The following RBM27 variants were observed in gnomAD, a reference collection of about 807,000 sequenced individuals.
RBM27 encodes the protein RNA-binding protein 27.
RBM27 carries 22 observed loss-of-function variants against 135.3 expected under a neutral mutation model. That is an observed-to-expected ratio of 0.16 (90% CI 0.12 to 0.23). The LOEUF is 0.23. RBM27 is among the 10% of genes least tolerant of loss of function. The probability of loss-of-function intolerance (pLI) is 1.00; values close to 1 mark genes in which losing one functional copy is unlikely to be tolerated. For synonymous variants in RBM27, 481 were observed against 442.4 expected (o/e 1.09, Z -1.10); for missense variants, 1,009 against 1,281.0 (o/e 0.79, Z 3.24).
chr5:146,249,523 T>A (rs1282789729), intron 8 of RBM27, among the ~76,000 whole-genome samples: 1 of 151,352 alleles, frequency 6.6e-6, no homozygotes, highest in Non-Finnish European at 1.5e-5. Flanking sequence ...CCGTCCCTAC[T>A]AAAAATGCAA....
chr5:146,232,964 T>C (rs1757002554), intron 6 of RBM27, among the ~76,000 whole-genome samples: 1 of 152,232 alleles, frequency 6.6e-6, no homozygotes, highest in Non-Finnish European at 1.5e-5. Context: ...TGTACAGTGC[T>C]ACAAGTGATA....
intron 19 of RBM27, among the ~76,000 whole-genome samples, chr5:146,276,797 G>T (rs1387663085): frequency 6.6e-6 from 1 of 152,168 alleles, no homozygotes; most frequent in African/African-American, 2.4e-5. Flanking sequence ...GCACCTGCCT[G>T]TAATCCCAGC....
chr5:146,215,524 A>T (rs1400896749), intron 1 of RBM27, among the ~76,000 whole-genome samples: 13 of 152,068 alleles, frequency 8.5e-5, no homozygotes, highest in Non-Finnish European at 1.5e-5. Flanking sequence ...TTCCATTCTT[A>T]TTTATTTTTC....
At chr5:146,206,665 C>G (rs181355213) in intron 1 of RBM27, among the ~76,000 whole-genome samples, 2 of 152,196 alleles carry the variant, frequency 1.3e-5, no homozygotes, top group Admixed American at 1.3e-4. Flanking sequence ...ACTGAAACCT[C>G]TGCCTCCTGG....
Position 146,285,858 on chromosome 5 carries a change from G to T in RBM27, c.3100-89G>T, listed in dbSNP as rs1759560790. 1.4e-5 allele frequency: 13 copies of T among 899,414 alleles called. No homozygotes were observed. The South Asian group carries it at 1.5e-4, about 10-fold the overall frequency. 55.7% of individuals were successfully genotyped at this position (899,414 alleles called of 1,614,324 possible). A position where few individuals can be genotyped will look rare whatever the true frequency, so the allele number is the denominator to read the frequency against. ...CCTTATGAAATCTAGCCTGGGCTTT[G>T]TATACTAGCCTGTTTGTCCTTTGGC... is the stretch of plus-strand genomic sequence containing the variant. On this transcript the variant is annotated intron_variant, in intron 20 of 20. Coordinates refer to ENST00000265271, the MANE Select transcript of RBM27 (RefSeq NM_018989.2).
At chr5:146,228,907 C>A in intron 3 of RBM27, 39 bp from the exon 4 acceptor site, 1 of 1,564,508 alleles carries the variant, frequency 6.4e-7, no homozygotes, top group Non-Finnish European at 8.8e-7. Context: ...GCCACCGTGC[C>A]TGGCCCTGCT....
chr5:146,255,872 TTG>T, intron 10 of RBM27, among the ~76,000 whole-genome samples: 1 of 151,940 alleles, frequency 6.6e-6, no homozygotes, highest in African/African-American at 2.4e-5. Flanking sequence ...TTTTTTTTTT[TTG>T]AAATGGAGTC....
chr5:146,231,067 G>A (rs1756908375), intron 6 of RBM27, 150 bp downstream of exon 6: 9 of 1,026,814 alleles, frequency 8.8e-6, no homozygotes, highest in African/African-American at 1.6e-5. Flanking sequence ...TGTCACCCAG[G>A]ATGGAGTGCA....
chr5:146,217,544 G>A (rs1295197586), intron 1 of RBM27, among the ~76,000 whole-genome samples: 2 of 134,434 alleles, frequency 1.5e-5, no homozygotes, highest in African/African-American at 5.7e-5. Flanking sequence ...GCATGATCAT[G>A]GCTTGCTGCA....
intron 8 of RBM27, among the ~76,000 whole-genome samples, chr5:146,242,482 TTGAG>T (rs1312439467): frequency 6.6e-6 from 1 of 152,262 alleles, no homozygotes; most frequent in Non-Finnish European, 1.5e-5. Flanking sequence ...GTTTTCTTTC[TTGAG>T]TGTGAAATCT....
intron 6 of RBM27, among the ~76,000 whole-genome samples, chr5:146,232,852 C>T (rs549016371): frequency 6.6e-6 from 1 of 152,306 alleles, no homozygotes; most frequent in South Asian, 2.1e-4. Context: ...CAGGCGTGAG[C>T]GACTGCGCCC....
In RBM27 at chr5:146,251,836, T is replaced by C; in HGVS notation, c.1405T>C (p.Tyr469His). 6.2e-7 allele frequency: 1 copy of C among 1,614,154 alleles called. No homozygotes were observed. The highest frequency in any genetic ancestry group is 8.5e-7 in the Non-Finnish European group (1 of 1,180,026). The change falls in exon 9 of 21, where the codon TAC becomes CAC. Residue 469 changes from tyrosine (Y) to histidine (H), a missense_variant. Around this residue, in one of 6 missense-constraint regions of RBM27, gnomAD observed 329 missense variants for 368.1 expected, o/e 0.89. Transcript: ENST00000265271. ...AAACCTCATGGGATCCTCCATTGGA[T>C]ACCATACCTCAGTCTCCAGCCCTAC... is the stretch of plus-strand genomic sequence containing the variant. ...PRNLMGSSIGYHTSVSSPTPL... is the reference protein window; with the variant it reads ...PRNLMGSSIGHHTSVSSPTPL...
intron 3 of RBM27, among the ~76,000 whole-genome samples, chr5:146,223,923 A>G (rs1367792609): frequency 2.6e-5 from 4 of 152,218 alleles, no homozygotes; most frequent in African/African-American, 9.6e-5. Context: ...TAGAGTTTTA[A>G]AAAATAGTTA....
intron 1 of RBM27, among the ~76,000 whole-genome samples, chr5:146,208,257 A>G (rs2126669395): frequency 6.6e-6 from 1 of 152,266 alleles, no homozygotes; most frequent in South Asian, 2.1e-4. Flanking sequence ...CCCGGCCAAC[A>G]GGAGGTATTT....
At chr5:146,232,682 C>T (rs1756989389) in intron 6 of RBM27, among the ~76,000 whole-genome samples, 1 of 152,084 alleles carries the variant, frequency 6.6e-6, no homozygotes, top group Non-Finnish European at 1.5e-5. Context: ...GATTCTCCTG[C>T]TTCAGCCTCC....
chr5:146,205,116 T>C (rs1755571330), intron 1 of RBM27, among the ~76,000 whole-genome samples: 1 of 152,226 alleles, frequency 6.6e-6, no homozygotes, highest in African/African-American at 2.4e-5. Context: ...GAGGCTGGTC[T>C]CGAACTCCTG....
At chr5:146,209,819 A>G (rs1234480181) in intron 1 of RBM27, among the ~76,000 whole-genome samples, 2 of 152,202 alleles carry the variant, frequency 1.3e-5, no homozygotes, top group Non-Finnish European at 2.9e-5. Context: ...GATACCATTC[A>G]CTATTTCATA....
At chr5:146,254,507 C>T (rs557007455) in intron 9 of RBM27, among the ~76,000 whole-genome samples, 4 of 149,900 alleles carry the variant, frequency 2.7e-5, no homozygotes, top group Non-Finnish European at 4.4e-5. Flanking sequence ...CCCTTCACCT[C>T]AGGTTCCACA....
At position 146,237,383 on chromosome 5, in the gene RBM27, A is replaced by G. The variant is rs568052539; in HGVS notation, c.1230A>G (p.Thr410=). ...SAVPNLASVG[T]RLPPPLPQNL... ...TGCCCAATCTTGCATCAGTGGGAAC[A>G]AGACTACCTCCTCCTTTACCCCAGA... Residue 410 remains threonine (T), a synonymous_variant, in exon 8 of 21, where the codon ACA becomes ACG. Transcript: ENST00000265271. 6.2e-7 allele frequency: 1 copy of G among 1,614,086 alleles called. No individual in the cohort carries two copies. Among genetic ancestry groups the G allele is most frequent in the South Asian group, 1.1e-5 (1 of 91,082 alleles).
Sources: allele counts gnomAD v4.1 joint callset (sites outside exome capture counted in the v4.1 genomes callset), GRCh38; gene constraint gnomAD v4.1.1; regional missense constraint gnomAD v4.1.1; transcripts MANE v1.5; gene names NCBI Gene and HGNC (gene_info 2026-07-23, HGNC 2026-07-21).